Variants in MAML3 observed in about 807,000 individuals in gnomAD.
MAML3 encodes the protein mastermind like transcriptional coactivator 3.
In MAML3, 27 loss-of-function variants were observed where a neutral mutation model predicts 101.9. The observed-to-expected ratio is 0.27, with a 90% CI of 0.20 to 0.37. The LOEUF is 0.37. Among genes scored for constraint, MAML3 ranks in the 10% least tolerant of loss-of-function variants. The probability of loss-of-function intolerance (pLI) is 1.00; values close to 1 mark genes in which losing one functional copy is unlikely to be tolerated. For missense variants in MAML3, 1,316 were observed against 1,444.9 expected (o/e 0.91, Z 1.45); for synonymous variants, 501 against 555.9 (o/e 0.90, Z 1.39).
chr4:139,885,180 C>T (rs1226278286), intron 2 of MAML3, among the ~76,000 whole-genome samples: 3 of 152,102 alleles, frequency 2.0e-5, no homozygotes, highest in Non-Finnish European at 4.4e-5. Flanking sequence ...GCAGGAAGAT[C>T]GCTTCAGTTC....
chr4:140,059,732 A>C (rs1200929657), intron 1 of MAML3, among the ~76,000 whole-genome samples: 1 of 152,186 alleles, frequency 6.6e-6, no homozygotes, highest in Non-Finnish European at 1.5e-5. Context: ...TATAATTTTA[A>C]GTGTGTCTAC....
rs1728445204 is a variant in MAML3 at position 139,725,761 on chromosome 4, A to G, written c.2406T>C (p.Asn802=). The part of the protein sequence containing the change: ...QRNPYPVQQV[N]QFQGSPQDIA... ...TTGCACTGGCCTCACCTTGAAACTG[A>G]TTGACCTGCTGCACTGGGTATGGAT... The change falls in exon 4 of 5, where the codon AAT becomes AAC. Residue 802 remains asparagine (N), a synonymous_variant. Transcript: ENST00000509479. 1 of 1,613,818 alleles carries G rather than the reference A, an allele frequency of 6.2e-7. No homozygotes were observed. The highest frequency in any genetic ancestry group is 1.3e-5 in the African/African-American group (1 of 74,910).
intron 1 of MAML3, among the ~76,000 whole-genome samples, chr4:140,041,165 C>A (rs1249881210): frequency 1.3e-5 from 2 of 152,056 alleles, no homozygotes; most frequent in Non-Finnish European, 2.9e-5. Context: ...ACAGAGGTAT[C>A]TGAATTTTTG....
At chr4:140,039,598 C>T (rs1727046964) in intron 1 of MAML3, among the ~76,000 whole-genome samples, 1 of 152,208 alleles carries the variant, frequency 6.6e-6, no homozygotes, top group South Asian at 2.1e-4. Context: ...AGCCCACCCA[C>T]CCCGACTGTG....
rs149949993 is a variant in MAML3, at chr4:140,090,110, G to C, written c.468+62750C>G. 1.9e-4 allele frequency among the ~76,000 whole-genome samples: 29 copies of C among 152,276 alleles called. 1 individual carries two copies. The highest frequency in any genetic ancestry group is 6.5e-4 in the African/African-American group (27 of 41,544). ...CCCAAGAAATTAACACCAAACTTCT[G>C]GATTTACTGTCGCCATTTTAAGACT... On this transcript the variant is annotated intron_variant, in intron 1 of 4. Transcript: ENST00000509479.
At chr4:140,127,663 G>C (rs767797870) in intron 1 of MAML3, among the ~76,000 whole-genome samples, 2 of 152,072 alleles carry the variant, frequency 1.3e-5, no homozygotes, top group Non-Finnish European at 2.9e-5. Context: ...AATAATAACA[G>C]CTGATATTTA....
chr4:139,873,123 A>T (rs1354970546), intron 2 of MAML3, among the ~76,000 whole-genome samples: 1 of 152,144 alleles, frequency 6.6e-6, no homozygotes, highest in Non-Finnish European at 1.5e-5. Context: ...AATCACGCAG[A>T]TATTTTGTTT....
intron 1 of MAML3, among the ~76,000 whole-genome samples, chr4:139,927,458 G>A (rs113440452): frequency 0.011 from 1,637 of 152,204 alleles, 29 homozygotes; most frequent in African/African-American, 0.037. Context: ...CTGAGACTAC[G>A]CAAATTCCGT....
At chr4:139,769,923 T>C (rs2111066008) in intron 2 of MAML3, among the ~76,000 whole-genome samples, 1 of 150,786 alleles carries the variant, frequency 6.6e-6, no homozygotes, top group South Asian at 2.1e-4. Flanking sequence ...CCTCTTTTTT[T>C]TTTTTTTTTT....
intron 2 of MAML3, among the ~76,000 whole-genome samples, chr4:139,805,150 C>T (rs986299225): frequency 6.6e-6 from 1 of 152,118 alleles, no homozygotes; most frequent in Non-Finnish European, 1.5e-5. Flanking sequence ...AGTCATTGCT[C>T]CCCAGCCTGG....
chr4:139,784,192 C>G (rs187497480), intron 2 of MAML3, among the ~76,000 whole-genome samples: 1 of 152,238 alleles, frequency 6.6e-6, no homozygotes, highest in African/African-American at 2.4e-5. Flanking sequence ...CAAGGCCAGG[C>G]CCGCCTGATG....
chr4:139,894,237 A>G (rs545681037), intron 1 of MAML3, among the ~76,000 whole-genome samples: 25 of 152,284 alleles, frequency 1.6e-4, no homozygotes, highest in African/African-American at 5.5e-4. Context: ...ATGGCCAGGC[A>G]CAGTAGCTCA....
chr4:139,988,035 A>G (rs1213079397), intron 1 of MAML3, among the ~76,000 whole-genome samples: 1 of 133,382 alleles, frequency 7.5e-6, no homozygotes, highest in African/African-American at 2.5e-5. Context: ...AAAAAAAAAA[A>G]AAAAAAAGGA....
At chr4:139,861,751 A>G (rs1328302379) in intron 2 of MAML3, among the ~76,000 whole-genome samples, 11 of 151,874 alleles carry the variant, frequency 7.2e-5, no homozygotes, top group African/African-American at 2.7e-4. Flanking sequence ...TGCTTGGTGT[A>G]CCCTCAGTGG....
At chr4:139,798,025 GGAGA>G (rs373492658) in intron 2 of MAML3, among the ~76,000 whole-genome samples, 67 of 128,842 alleles carry the variant, frequency 5.2e-4, no homozygotes, top group African/African-American at 1.9e-3. Flanking sequence ...AGGAAAGAAA[GGAGA>G]GAGAGAGAAA....
intron 2 of MAML3, among the ~76,000 whole-genome samples, chr4:139,863,106 C>T (rs1448727461): frequency 4.8e-5 from 7 of 146,612 alleles, no homozygotes; most frequent in Non-Finnish European, 7.4e-5. Flanking sequence ...GCCAAGGTTG[C>T]GCCACTGCAC....
chr4:139,743,186 C>T (rs1204298197), intron 2 of MAML3, among the ~76,000 whole-genome samples: 1 of 152,236 alleles, frequency 6.6e-6, no homozygotes, highest in African/African-American at 2.4e-5. Flanking sequence ...TTACACGCCT[C>T]CTTTAAGAGC....
intron 2 of MAML3, among the ~76,000 whole-genome samples, chr4:139,884,288 T>A (rs767178267): frequency 1.3e-5 from 2 of 152,210 alleles, no homozygotes; most frequent in Non-Finnish European, 2.9e-5. Context: ...AAGCTTATAA[T>A]AATATACCAC....
chr4:139,941,775 A>T (rs1733604470), intron 1 of MAML3, among the ~76,000 whole-genome samples: 1 of 152,176 alleles, frequency 6.6e-6, no homozygotes, highest in Admixed American at 6.5e-5. Context: ...ATATGCTCTT[A>T]TATTTCAGCA....
Sources: allele counts gnomAD v4.1 joint callset (sites outside exome capture counted in the v4.1 genomes callset), GRCh38; gene constraint gnomAD v4.1.1; transcripts MANE v1.5; gene names NCBI Gene and HGNC (gene_info 2026-07-23, HGNC 2026-07-21).